The following LEF1 variants were observed in gnomAD, a reference collection of about 807,000 sequenced individuals.
LEF1 encodes the protein lymphoid enhancer-binding factor 1.
LEF1 carries 14 observed loss-of-function variants against 51.2 expected under a neutral mutation model. The observed-to-expected ratio is 0.27, with a 90% confidence interval of 0.18 to 0.43. The LOEUF (loss-of-function observed/expected upper bound fraction) is 0.43. Among genes scored for constraint, LEF1 ranks in the 20% least tolerant of loss-of-function variants. The pLI, the probability that LEF1 is intolerant of heterozygous loss-of-function variation, is 1.00. For synonymous variants in LEF1, 185 were observed against 183.2 expected, an observed-to-expected ratio of 1.01 and a Z score of -0.08; for missense variants, 386 against 512.0, an observed-to-expected ratio of 0.75 and a Z score of 2.37.
intron 3 of LEF1, among the ~76,000 whole-genome samples, chr4:108,156,728 C>T (rs1371866295): frequency 2.6e-5 from 4 of 151,770 alleles, no homozygotes; most frequent in African/African-American, 7.3e-5. Flanking sequence ...TGTAAGGTTT[C>T]CAGGATTAAA....
chr4:108,066,111 C>T (rs1472975280), intron 9 of LEF1, among the ~76,000 whole-genome samples: 3 of 152,164 alleles, frequency 2.0e-5, no homozygotes, highest in African/African-American at 7.2e-5. Context: ...CCACGTTGGC[C>T]AGGCTGGCCT....
At chr4:108,150,527 A>T (rs1467598193) in intron 3 of LEF1, among the ~76,000 whole-genome samples, 6 of 152,190 alleles carry the variant, frequency 3.9e-5, no homozygotes, top group African/African-American at 1.4e-4. Context: ...TATTCTTAGA[A>T]CCTTTTATTT....
At chr4:108,125,394 C>T (rs1423991328) in intron 3 of LEF1, among the ~76,000 whole-genome samples, 1 of 152,148 alleles carries the variant, frequency 6.6e-6, no homozygotes, top group East Asian at 1.9e-4. Flanking sequence ...AACCCCTGAC[C>T]TCAGGTGATC....
At chr4:108,057,556 C>T (rs1209189456) in intron 11 of LEF1, among the ~76,000 whole-genome samples, 1 of 152,170 alleles carries the variant, frequency 6.6e-6, no homozygotes, top group African/African-American at 2.4e-5. Context: ...GGCACAGCTC[C>T]TGGCAGACCC....
intron 3 of LEF1, among the ~76,000 whole-genome samples, chr4:108,096,299 C>T (rs1472962841): frequency 2.6e-5 from 4 of 152,146 alleles, no homozygotes; most frequent in African/African-American, 9.7e-5. Flanking sequence ...GCAGTAGCAG[C>T]TGCCTGCCTG....
chr4:108,144,704 T>C (rs753761042), intron 3 of LEF1, among the ~76,000 whole-genome samples: 1 of 151,922 alleles, frequency 6.6e-6, no homozygotes, highest in African/African-American at 2.4e-5. Context: ...GAACAGGAGA[T>C]GCCACAAGGT....
intron 11 of LEF1, among the ~76,000 whole-genome samples, chr4:108,062,071 A>G (rs1329607213): frequency 2.0e-5 from 3 of 152,216 alleles, no homozygotes; most frequent in Admixed American, 6.5e-5. Context: ...GATCCTGCAC[A>G]TCAACCACCA....
intron 3 of LEF1, among the ~76,000 whole-genome samples, chr4:108,115,045 G>C (rs1741750403): frequency 6.6e-6 from 1 of 152,178 alleles, no homozygotes; most frequent in African/African-American, 2.4e-5. Context: ...AAATCCAGGA[G>C]GCTAAATTTA....
chr4:108,053,975 G>T (rs1322859749), intron 11 of LEF1, among the ~76,000 whole-genome samples: 1 of 152,184 alleles, frequency 6.6e-6, no homozygotes, highest in East Asian at 1.9e-4. Flanking sequence ...TACAAATGAG[G>T]TGACAGGATC....
chr4:108,063,774 C>A, intron 10 of LEF1, 111 bp from the exon 11 acceptor site: 2 of 716,998 alleles, frequency 2.8e-6, no homozygotes, highest in Non-Finnish European at 2.4e-6. Context: ...TTTCATGGTT[C>A]TTATACCAGC....
chr4:108,085,606 T>C (rs918473113), intron 4 of LEF1, among the ~76,000 whole-genome samples: 2 of 152,206 alleles, frequency 1.3e-5, no homozygotes, highest in Non-Finnish European at 2.9e-5. Context: ...TCAGAAGTGA[T>C]TCAACAGAAC....
At chr4:108,090,985 A>G (rs1429107212) in intron 3 of LEF1, among the ~76,000 whole-genome samples, 1 of 152,194 alleles carries the variant, frequency 6.6e-6, no homozygotes, top group Admixed American at 6.5e-5. Flanking sequence ...AAAACACTAT[A>G]GTAATGGGTA....
intron 8 of LEF1, among the ~76,000 whole-genome samples, chr4:108,077,010 G>C: frequency 8.1e-6 from 1 of 123,862 alleles, no homozygotes; most frequent in African/African-American, 3.1e-5. Context: ...CTGGGTGACA[G>C]AGCAAGACTC....
chr4:108,166,581 C>T, intron 1 of LEF1: 1 of 1,148,726 alleles, frequency 8.7e-7, no homozygotes, highest in Non-Finnish European at 1.1e-6. Flanking sequence ...AGGCTTCAAA[C>T]AGCCCTCCAG....
chr4:108,127,903 T>C (rs1005032261), intron 3 of LEF1, among the ~76,000 whole-genome samples: 19 of 152,160 alleles, frequency 1.2e-4, no homozygotes, highest in African/African-American at 4.6e-4. Context: ...TTCTGGAGTT[T>C]CCACATGGCC....
chr4:108,069,133 T>C (rs897332686), intron 9 of LEF1, among the ~76,000 whole-genome samples: 4 of 152,124 alleles, frequency 2.6e-5, no homozygotes, highest in African/African-American at 7.2e-5. Context: ...CCCCTTCTTC[T>C]ACCTTGCAAA....
chr4:108,088,062 G>A (rs1327298122), intron 4 of LEF1, among the ~76,000 whole-genome samples: 1 of 152,188 alleles, frequency 6.6e-6, no homozygotes. Flanking sequence ...AAAGTACTCA[G>A]ACTCTATTCA....
intron 3 of LEF1, among the ~76,000 whole-genome samples, chr4:108,095,532 A>G (rs1362724482): frequency 6.6e-6 from 1 of 152,042 alleles, no homozygotes; most frequent in Non-Finnish European, 1.5e-5. Flanking sequence ...CTACCCCCCA[A>G]CCAAGTGAAT....
chr4:108,139,738 G>A (rs949148122), intron 3 of LEF1, among the ~76,000 whole-genome samples: 5 of 152,208 alleles, frequency 3.3e-5, no homozygotes, highest in Non-Finnish European at 4.4e-5. Context: ...ATTTACAGCT[G>A]TAAAACAATT....
Sources: gnomAD v4.1 joint callset for allele counts (sites outside exome capture counted in the v4.1 genomes callset) on GRCh38, gnomAD v4.1.1 for gene constraint, MANE v1.5 for transcripts, NCBI Gene and HGNC (gene_info 2026-07-23, HGNC 2026-07-21) for gene names.